SND1: variants seen among roughly 807,000 people sequenced by gnomAD.
SND1 encodes the protein staphylococcal nuclease and tudor domain containing 1.
In SND1, 38 loss-of-function variants were observed where a neutral mutation model predicts 121.7. That is an observed-to-expected ratio of 0.31 (90% CI 0.24 to 0.41). The LOEUF is 0.41. Among genes scored for constraint, SND1 ranks in the 10% least tolerant of loss-of-function variants. The probability of loss-of-function intolerance (pLI) is 1.00; values close to 1 mark genes in which losing one functional copy is unlikely to be tolerated. For missense variants in SND1, 868 were observed against 1,184.6 expected, an observed-to-expected ratio of 0.73 and a Z score of 3.92; for synonymous variants, 401 against 447.4, an observed-to-expected ratio of 0.90 and a Z score of 1.31.
At chr7:127,695,552 C>T (rs947993253) in intron 3 of SND1, among the ~76,000 whole-genome samples, 1 of 152,198 alleles carries the variant, frequency 6.6e-6, no homozygotes, top group Non-Finnish European at 1.5e-5. Flanking sequence ...ATAGTATAGG[C>T]CAGGCACCGT....
chr7:127,933,253 C>T (rs565551218), intron 15 of SND1, among the ~76,000 whole-genome samples: 1 of 152,308 alleles, frequency 6.6e-6, no homozygotes, highest in South Asian at 2.1e-4. Flanking sequence ...GATCACTCGA[C>T]TCTGCATCAG....
chr7:127,754,740 T>C (rs1307866155), intron 10 of SND1, among the ~76,000 whole-genome samples: 1 of 152,186 alleles, frequency 6.6e-6, no homozygotes, highest in Admixed American at 6.5e-5. Context: ...CAGACAAAAT[T>C]TTGAAATAAT....
chr7:127,736,754 C>T (rs1313003577), intron 10 of SND1, among the ~76,000 whole-genome samples: 1 of 152,126 alleles, frequency 6.6e-6, no homozygotes, highest in African/African-American at 2.4e-5. Flanking sequence ...TGCCAGAATG[C>T]CCATCCCCCC....
At chr7:127,730,114 A>G (rs1796648974) in intron 10 of SND1, among the ~76,000 whole-genome samples, 2 of 152,116 alleles carry the variant, frequency 1.3e-5, no homozygotes. Flanking sequence ...GATTACAGGC[A>G]TGAGCCACCA....
At chr7:127,693,697 A>T (rs940034380) in intron 2 of SND1, among the ~76,000 whole-genome samples, 36 of 152,316 alleles carry the variant, frequency 2.4e-4, no homozygotes, top group Non-Finnish European at 4.3e-4. Context: ...TATAATAGAC[A>T]ATGTATGCAT....
intron 16 of SND1, among the ~76,000 whole-genome samples, chr7:127,995,003 T>C (rs769560284): frequency 8.7e-4 from 133 of 152,284 alleles, no homozygotes; most frequent in Middle Eastern, 3.4e-3. Context: ...ATTACAGGCA[T>C]GAGCCAACCG....
chr7:127,671,539 C>T lies in SND1; in HGVS notation c.79-15074C>T, dbSNP rs77652632. On this transcript the variant is annotated intron_variant, in intron 1 of 23. Coordinates refer to ENST00000354725, the MANE Select transcript of SND1 (RefSeq NM_014390.4). ...GGAGATGGAGTCTTGCTATGTTGCC[C>T]GGGCTGGAGTGCAGTGGCTCTTCAC... 3.9e-3 allele frequency among the ~76,000 whole-genome samples: 593 copies of T among 152,204 alleles called. 8 individuals carry two copies. Among genetic ancestry groups the T allele is most frequent in the African/African-American group, 0.014 (561 of 41,540 alleles).
intron 2 of SND1, among the ~76,000 whole-genome samples, chr7:127,688,720 T>TA (rs930217645): frequency 1.4e-5 from 2 of 148,134 alleles, no homozygotes; most frequent in Admixed American, 6.8e-5. Flanking sequence ...AGACCCTGTC[T>TA]AAAAAAAAAT....
chr7:128,027,686 C>G (rs147853002), intron 16 of SND1: 1 of 152,182 alleles, frequency 6.6e-6, no homozygotes, highest in Non-Finnish European at 1.5e-5. Context: ...TTTTAAAAAT[C>G]ATAAAATGCC....
chr7:127,826,660 C>T (rs1350855066), intron 11 of SND1, among the ~76,000 whole-genome samples: 1 of 152,104 alleles, frequency 6.6e-6, no homozygotes, highest in Non-Finnish European at 1.5e-5. Flanking sequence ...AATTTCATTC[C>T]CTTTTTTATC....
chr7:128,081,600 C>T, intron 18 of SND1, 99 bp downstream of exon 18: 1 of 1,417,904 alleles, frequency 7.1e-7, no homozygotes, highest in Non-Finnish European at 9.7e-7. Flanking sequence ...GGAACAATGC[C>T]TAGGCAGTCC....
Position 127,904,658 on chromosome 7 carries a change from A to G in SND1, c.1455-89A>G, listed in dbSNP as rs377111425. 8.6e-5 allele frequency: 69 copies of G among 800,886 alleles called. No homozygotes were observed. The South Asian group carries it at 9.9e-4, about 11-fold the overall frequency. 49.6% of individuals were successfully genotyped at this position (800,886 alleles called of 1,614,324 possible). On this transcript the variant is annotated intron_variant, in intron 13 of 23. Transcript: ENST00000354725. ...GTAGTCATACATCCCCACTTTAACA[A>G]CCCTCGCTTCTCTCTTCATTTTTGC...
chr7:127,841,352 G>A lies in SND1; in HGVS notation c.1243-2972G>A, dbSNP rs533125551. Among the ~76,000 whole-genome samples, 6 of 152,174 alleles carry A rather than the reference G, an allele frequency of 3.9e-5. No individual in the cohort carries two copies. In the South Asian group the frequency reaches 1.2e-3, roughly 32 times the overall value. On this transcript the variant is annotated intron_variant, in intron 11 of 23. Transcript: ENST00000354725. ...TGTTAGATGGATTGGGTGAAAACAC[G>A]AAAGATACATGGACCTCGTTCCTCA...
rs558058070 is a variant in SND1, at chr7:127,824,919, G to C, written c.1242+17346G>C. On this transcript the variant is annotated intron_variant, in intron 11 of 23. Transcript: ENST00000354725. ...TGCCAAATTTTTGGTCTGTTTTCTG[G>C]AATGTATGTACAACTATAATAGTTT... Among the ~76,000 whole-genome samples, 5 of 152,148 alleles carry C rather than the reference G, an allele frequency of 3.3e-5. No homozygotes were observed. The South Asian group carries it at 1.0e-3, about 32-fold the overall frequency.
At chr7:127,810,393 A>G (rs1002839126) in intron 11 of SND1, among the ~76,000 whole-genome samples, 2 of 152,170 alleles carry the variant, frequency 1.3e-5, no homozygotes, top group African/African-American at 2.4e-5. Flanking sequence ...CTCAATTGCC[A>G]TACTGCCTAG....
chr7:127,893,784 A>G (rs1450058976), intron 13 of SND1, among the ~76,000 whole-genome samples: 2 of 152,054 alleles, frequency 1.3e-5, no homozygotes, highest in Non-Finnish European at 2.9e-5. Flanking sequence ...TTGAGAGGCA[A>G]GTGTGAACCT....
chr7:127,973,134 A>G (rs1049365105), intron 15 of SND1, among the ~76,000 whole-genome samples: 4 of 152,168 alleles, frequency 2.6e-5, no homozygotes, highest in African/African-American at 9.7e-5. Flanking sequence ...AGGAGGCTTT[A>G]AACCTGGTTG....
rs540323696 is a variant in SND1 at position 127,945,398 on chromosome 7, G to A, written c.1669+16069G>A. ...CCCAGCTACTTGGTAGGCTGAGGCA[G>A]GAGAATGGCGTGAACCCAGGAGGCG... On this transcript the variant is annotated intron_variant, in intron 15 of 23. Coordinates refer to ENST00000354725, the MANE Select transcript of SND1 (RefSeq NM_014390.4). Among the ~76,000 whole-genome samples, 5 of 152,220 alleles carry A rather than the reference G, an allele frequency of 3.3e-5. No homozygotes were observed. The South Asian group carries it at 1.0e-3, about 32-fold the overall frequency.
At chr7:127,906,281 A>C (rs1800338729) in intron 14 of SND1, among the ~76,000 whole-genome samples, 1 of 152,162 alleles carries the variant, frequency 6.6e-6, no homozygotes, top group African/African-American at 2.4e-5. Context: ...AGCCACAGGT[A>C]ACTATGGTGT....
Sources: gnomAD v4.1 joint callset for allele counts (sites outside exome capture counted in the v4.1 genomes callset) on GRCh38, gnomAD v4.1.1 for gene constraint, MANE v1.5 for transcripts, NCBI Gene and HGNC (gene_info 2026-07-23, HGNC 2026-07-21) for gene names.